The following ZDHHC17 variants were observed in gnomAD, a reference collection of about 807,000 sequenced individuals.
ZDHHC17 encodes palmitoyltransferase ZDHHC17.
In ZDHHC17, 40 loss-of-function variants were observed where a neutral mutation model predicts 90.3. That is an observed-to-expected ratio of 0.44 (90% CI 0.34 to 0.58). The LOEUF (loss-of-function observed/expected upper bound fraction) is 0.58, where lower values mean the gene tolerates loss of function less well. ZDHHC17 is among the 20% of genes least tolerant of loss of function. ZDHHC17 has a pLI of 0.01. For missense variants in ZDHHC17, 614 were observed against 780.8 expected (o/e 0.79, Z 2.55); for synonymous variants, 235 against 252.4 (o/e 0.93, Z 0.65).
At chr12:76,802,253 G>A (rs748174635) in intron 2 of ZDHHC17, among the ~76,000 whole-genome samples, 6 of 152,138 alleles carry the variant, frequency 3.9e-5, no homozygotes, top group Admixed American at 6.5e-5. Flanking sequence ...TTCTTTTAGC[G>A]CTTTGGATAT....
At chr12:76,849,921 C>T (rs1432812625) in intron 16 of ZDHHC17, among the ~76,000 whole-genome samples, 1 of 151,918 alleles carries the variant, frequency 6.6e-6, no homozygotes, top group Non-Finnish European at 1.5e-5. Context: ...AAACTGACTG[C>T]TTTTCTTTTC....
chr12:76,837,641 T>C (rs1028579381), intron 10 of ZDHHC17, among the ~76,000 whole-genome samples: 3 of 152,138 alleles, frequency 2.0e-5, no homozygotes, highest in Non-Finnish European at 4.4e-5. Flanking sequence ...AAAATGGAGG[T>C]TATATTTGTA....
Position 76,848,257 on chromosome 12 carries a change from C to T in ZDHHC17, c.1532C>T (p.Thr511Ile). 1 of 1,613,918 alleles carries T rather than the reference C, an allele frequency of 6.2e-7. No individual in the cohort carries two copies. Among genetic ancestry groups the T allele is most frequent in the Non-Finnish European group, 8.5e-7 (1 of 1,179,844 alleles). Residue 511 changes from threonine to isoleucine, a missense_variant, in exon 15 of 17, where the codon ACT (threonine) becomes ATT (isoleucine). Thr to Ile is a moderately conservative substitution (Grantham distance 89). This residue lies in a region of ZDHHC17 where 111 missense variants were observed against 179.8 expected (regional missense o/e 0.62). Coordinates refer to ENST00000426126, the MANE Select transcript of ZDHHC17 (RefSeq NM_015336.4). ...ISYWGLHCET[T>I]YTKDGFWTYI... ...GACTGGGGACTCCACTGTGAGACCA[C>T]TTACACCAAGGATGGATTTTGGACA...
intron 5 of ZDHHC17, chr12:76,813,239 C>CTTCTCATATAAGA (rs1953046391): frequency 2.8e-6 from 1 of 355,926 alleles, no homozygotes; most frequent in Non-Finnish European, 5.5e-6. Flanking sequence ...AAAGAAGTCA[C>CTTCTCATATAAGA]AATAGTTACT....
At chr12:76,808,737 G>A (rs1207412509) in intron 3 of ZDHHC17, among the ~76,000 whole-genome samples, 2 of 151,726 alleles carry the variant, frequency 1.3e-5, no homozygotes, top group African/African-American at 4.8e-5. Flanking sequence ...GTTTCTATAT[G>A]CTACTATTCA....
At chr12:76,837,506 T>C (rs1045211912) in intron 10 of ZDHHC17, among the ~76,000 whole-genome samples, 2 of 152,118 alleles carry the variant, frequency 1.3e-5, no homozygotes, top group African/African-American at 4.8e-5. Context: ...GTTAAAAAAC[T>C]CTTTACTTAA....
At chr12:76,810,538 G>A (rs1953007166) in intron 5 of ZDHHC17, among the ~76,000 whole-genome samples, 1 of 152,140 alleles carries the variant, frequency 6.6e-6, no homozygotes. Flanking sequence ...CTATCAACAT[G>A]TATTTATTGT....
At chr12:76,795,433 G>A (rs1261624786) in intron 1 of ZDHHC17, among the ~76,000 whole-genome samples, 3 of 152,034 alleles carry the variant, frequency 2.0e-5, no homozygotes, top group Non-Finnish European at 2.9e-5. Flanking sequence ...GTTTTGTTGG[G>A]TATATTATTC....
chr12:76,809,055 G>A lies in ZDHHC17; in HGVS notation c.333G>A (p.Ser111=), dbSNP rs757775073. The A allele has an allele frequency of 4.6e-6, 7 of 1,524,452 alleles. No individual in the cohort carries two copies. The highest frequency in any genetic ancestry group is 1.4e-5 in the South Asian group (1 of 73,552). 94.4% of individuals were successfully genotyped at this position (1,524,452 alleles called of 1,614,324 possible). The change falls in exon 4 of 17, where the codon TCG becomes TCA. Residue 111 remains serine (S), a synonymous_variant. Coordinates refer to ENST00000426126, the MANE Select transcript of ZDHHC17 (RefSeq NM_015336.4). ...NRIDLVKYYI[S]KGAIVDQLGG... is the part of the protein sequence containing the mutation. ...TTTTGTCTTATAGATACTATATTTC[G>A]AAAGGTGCTATTGTGGATCAACTTG... is the stretch of plus-strand genomic sequence containing the variant.
At position 76,850,862 on chromosome 12, in the gene ZDHHC17, A is replaced by G. The variant is rs11115779; in HGVS notation, c.1776A>G (p.Arg592=). The G allele has an allele frequency of 0.016, 26,265 of 1,613,770 alleles. 258 individuals carry two copies. The highest frequency in any genetic ancestry group is 0.02 in the Non-Finnish European group (23,206 of 1,179,796). Residue 592 remains arginine (R), a synonymous_variant, in exon 17 of 17, where the codon AGA becomes AGG. Transcript: ENST00000426126. Reference sequence around the variant, plus strand: ...CTGTTTTTAGCCATGGATGTGTAAGAAATATTATAGACTTCTTTGAATTTC... The same window carrying G: ...CTGTTTTTAGCCATGGATGTGTAAGGAATATTATAGACTTCTTTGAATTTC... ...IESPFNHGCV[R]NIIDFFEFRC...
At position 76,853,011 on chromosome 12, in the gene ZDHHC17, T is replaced by A. The variant is rs1196091884; in HGVS notation, c.*2026T>A. 6.6e-6 allele frequency: 1 copy of A among 152,478 alleles called. No homozygotes were observed. Among genetic ancestry groups the A allele is most frequent in the Non-Finnish European group, 1.5e-5 (1 of 68,026 alleles). 9.4% of individuals were successfully genotyped at this position (152,478 alleles called of 1,614,324 possible). A position where few individuals can be genotyped will look rare whatever the true frequency, so the allele number is the denominator to read the frequency against. ...CAGTTGCATTTTTATCGAATACATT[T>A]TTATCAACAGTTAAAGACTATGGTG... On this transcript the variant is annotated 3_prime_UTR_variant, in exon 17 of 17. Coordinates refer to ENST00000426126, the MANE Select transcript of ZDHHC17 (RefSeq NM_015336.4).
intron 1 of ZDHHC17, among the ~76,000 whole-genome samples, chr12:76,765,167 A>T (rs1277443724): frequency 6.6e-6 from 1 of 152,234 alleles, no homozygotes; most frequent in Non-Finnish European, 1.5e-5. Flanking sequence ...GCAGCGGCAC[A>T]GTTTGCTGAA....
At chr12:76,806,370 C>T (rs1234605573) in intron 3 of ZDHHC17, among the ~76,000 whole-genome samples, 2 of 152,074 alleles carry the variant, frequency 1.3e-5, no homozygotes, top group African/African-American at 2.4e-5. Context: ...CCTCTGCCTC[C>T]TGGGTTCAAG....
intron 10 of ZDHHC17, among the ~76,000 whole-genome samples, chr12:76,829,036 T>G (rs1953264597): frequency 6.6e-6 from 1 of 152,160 alleles, no homozygotes; most frequent in African/African-American, 2.4e-5. Context: ...CCAGTCAGAA[T>G]AGCTATTTTT....
intron 1 of ZDHHC17, among the ~76,000 whole-genome samples, chr12:76,777,513 A>G (rs1273584344): frequency 6.6e-6 from 1 of 152,222 alleles, no homozygotes; most frequent in Non-Finnish European, 1.5e-5. Flanking sequence ...ACAAGTATTC[A>G]TGTAAACATA....
chr12:76,787,247 A>G (rs1048556619), intron 1 of ZDHHC17, among the ~76,000 whole-genome samples: 2 of 152,166 alleles, frequency 1.3e-5, no homozygotes, highest in Admixed American at 1.3e-4. Context: ...GGTCACTTTC[A>G]TAATATTATC....
At chr12:76,770,892 C>T (rs1222346321) in intron 1 of ZDHHC17, among the ~76,000 whole-genome samples, 1 of 147,894 alleles carries the variant, frequency 6.8e-6, no homozygotes, top group Non-Finnish European at 1.5e-5. Context: ...TAAGATCGTG[C>T]CATCCTGCCT....
intron 7 of ZDHHC17, among the ~76,000 whole-genome samples, chr12:76,820,290 CTCT>C (rs1953148634): frequency 6.6e-6 from 1 of 152,092 alleles, no homozygotes; most frequent in South Asian, 2.1e-4. Context: ...AGCTTTAAAT[CTCT>C]TCTTGTAAAG....
At chr12:76,781,374 A>G (rs1344470576) in intron 1 of ZDHHC17, among the ~76,000 whole-genome samples, 1 of 152,166 alleles carries the variant, frequency 6.6e-6, no homozygotes, top group African/African-American at 2.4e-5. Context: ...GTATTTTAAT[A>G]GGTGCTTTGT....
Sources: allele counts gnomAD v4.1 joint callset (sites outside exome capture counted in the v4.1 genomes callset), GRCh38; gene constraint gnomAD v4.1.1; regional missense constraint gnomAD v4.1.1; transcripts MANE v1.5; gene names NCBI Gene and HGNC (gene_info 2026-07-23, HGNC 2026-07-21).